The following LPIN1 variants were observed in gnomAD, a reference collection of about 807,000 sequenced individuals.
LPIN1 encodes phosphatidate phosphatase LPIN1.
A neutral mutation model predicts 107.5 loss-of-function variants in LPIN1; 71 were observed. The observed-to-expected ratio is 0.66, with a 90% CI of 0.55 to 0.80. LPIN1 has a LOEUF of 0.80. Among genes scored for constraint, LPIN1 ranks in the 30% least tolerant of loss-of-function variants. LPIN1 has a pLI of 0.00. For synonymous variants in LPIN1, 445 were observed against 452.6 expected (o/e 0.98, Z 0.21); for missense variants, 1,043 against 1,160.6 (o/e 0.90, Z 1.47).
chr2:11,725,123 T>C (rs1664487396), intron 1 of LPIN1, among the ~76,000 whole-genome samples: 3 of 152,008 alleles, frequency 2.0e-5, no homozygotes, highest in Admixed American at 2.0e-4. Flanking sequence ...TAGCCGGGCG[T>C]GTTGGCGGGC....
chr2:11,768,579 A>G (rs1365605356), intron 3 of LPIN1, among the ~76,000 whole-genome samples: 1 of 151,924 alleles, frequency 6.6e-6, no homozygotes, highest in East Asian at 1.9e-4. Context: ...ATTCCTTTTT[A>G]TGGCCGAATA....
intron 1 of LPIN1, among the ~76,000 whole-genome samples, chr2:11,686,871 G>C (rs758312810): frequency 2.6e-5 from 4 of 152,042 alleles, no homozygotes; most frequent in Non-Finnish European, 4.4e-5. Context: ...TGCCCCAGCT[G>C]CTGGGGGCAG....
intron 3 of LPIN1, among the ~76,000 whole-genome samples, chr2:11,769,931 G>A (rs766324325): frequency 1.8e-4 from 28 of 152,228 alleles, no homozygotes; most frequent in Non-Finnish European, 3.7e-4. Context: ...CCCAGGCACA[G>A]CCTCCATCCT....
In LPIN1 at chr2:11,815,236, C is replaced by A; in HGVS notation, c.2398C>A (p.His800Asn). The part of the protein sequence containing the change: ...LSPSSLFSAL[H>N]REVIEKKPEK... ...TCCCAGCAGCCTCTTCTCTGCCCTG[C>A]ACAGGTACCAGGCCTGCTCCCTGCA... Residue 800 changes from histidine (H) to asparagine (N), a missense_variant, in exon 18 of 21, where the codon CAC (histidine) becomes AAC (asparagine). By Grantham distance (68) the His-to-Asn change is moderately conservative. Coordinates refer to ENST00000674199, the MANE Select transcript of LPIN1 (RefSeq NM_001349206.2). The A allele has an allele frequency of 6.2e-7, 1 of 1,614,004 alleles. No individual in the cohort carries two copies. The highest frequency in any genetic ancestry group is 8.5e-7 in the Non-Finnish European group (1 of 1,179,992).
At chr2:11,773,549 A>AAAAATTGG in intron 4 of LPIN1, 71 bp from the exon 5 acceptor site, 1 of 1,405,050 alleles carries the variant, frequency 7.1e-7, no homozygotes. Flanking sequence ...CTAATCAAGA[A>AAAAATTGG]AAAATTGGAA....
chr2:11,715,609 C>T (rs999632626), intron 2 of LPIN1, among the ~76,000 whole-genome samples: 4 of 152,122 alleles, frequency 2.6e-5, no homozygotes, highest in Admixed American at 2.6e-4. Context: ...CACCATGGGC[C>T]TCATGGGAGA....
At chr2:11,773,313 G>A (rs1392838477) in intron 4 of LPIN1, among the ~76,000 whole-genome samples, 3 of 152,222 alleles carry the variant, frequency 2.0e-5, no homozygotes, top group Admixed American at 1.3e-4. Context: ...GAACATGACC[G>A]TGTAGGGTAG....
chr2:11,733,321 C>G (rs1254706668), intron 1 of LPIN1, among the ~76,000 whole-genome samples: 2 of 152,130 alleles, frequency 1.3e-5, no homozygotes, highest in Non-Finnish European at 2.9e-5. Flanking sequence ...TACATTGGAG[C>G]CTGGGCAGAT....
Position 11,765,594 on chromosome 2 carries a change from T to A in LPIN1, c.53T>A (p.Leu18His). Residue 18 changes from leucine to histidine, a missense_variant, in exon 2 of 21, where the codon CTC (leucine) becomes CAC (histidine). Leu to His is a moderately conservative substitution (Grantham distance 99). Transcript: ENST00000674199. The surrounding 1 kb of genome is among the most constrained non-coding windows in gnomAD (Gnocchi z 4.4). ...CAGGTGTTTGTCACCGTGAAGGAGC[T>A]CTACAAGGGGCTGAATCCCGCCACA... Reference protein sequence around the residue: ...AGQVFVTVKELYKGLNPATLS... With the variant: ...AGQVFVTVKEHYKGLNPATLS... 6.2e-7 allele frequency: 1 copy of A among 1,614,100 alleles called. No homozygotes were observed. The highest frequency in any genetic ancestry group is 8.5e-7 in the Non-Finnish European group (1 of 1,179,998).
intron 14 of LPIN1, among the ~76,000 whole-genome samples, chr2:11,802,700 G>T (rs1558267181): frequency 1.3e-5 from 2 of 152,100 alleles, no homozygotes. Flanking sequence ...AGGAGAGGCA[G>T]CCCCCACACG....
At position 11,777,846 on chromosome 2, in the gene LPIN1, G is replaced by T. The variant is rs918233654; in HGVS notation, c.830+1653G>T. ...TTTGTCTGGTGAAACAGAATGGCAAGAGCTTTTTAGATACTTTGAGGTTTG... is the reference window on the plus strand; with the variant it reads ...TTTGTCTGGTGAAACAGAATGGCAATAGCTTTTTAGATACTTTGAGGTTTG... On this transcript the variant is annotated intron_variant, in intron 6 of 20. Transcript: ENST00000674199. Among the ~76,000 whole-genome samples the T allele has an allele frequency of 6.6e-5, 10 of 152,246 alleles. No individual in the cohort carries two copies. In the East Asian group the frequency reaches 9.6e-4, roughly 15 times the overall value.
intron 14 of LPIN1, among the ~76,000 whole-genome samples, chr2:11,799,479 C>T (rs1677307222): frequency 1.3e-5 from 2 of 151,784 alleles, no homozygotes; most frequent in South Asian, 2.1e-4. Flanking sequence ...ACCCTCCCCT[C>T]CCCGTTCCCA....
intron 14 of LPIN1, among the ~76,000 whole-genome samples, chr2:11,800,015 T>C (rs922352651): frequency 6.6e-6 from 1 of 152,204 alleles, no homozygotes; most frequent in Non-Finnish European, 1.5e-5. Flanking sequence ...TGCTCTGTTT[T>C]CCTTCAACTC....
chr2:11,731,460 T>C (rs977214173), intron 1 of LPIN1, among the ~76,000 whole-genome samples: 3 of 152,244 alleles, frequency 2.0e-5, no homozygotes, highest in Non-Finnish European at 2.9e-5. Flanking sequence ...ACTTTTTCTT[T>C]ATCCAGTCTA....
At position 11,787,153 on chromosome 2, in the gene LPIN1, A is replaced by G. The variant is rs569730770; in HGVS notation, c.1629A>G (p.Val543=). The G allele has an allele frequency of 1.9e-6, 3 of 1,612,554 alleles. No homozygotes were observed. Among genetic ancestry groups the G allele is most frequent in the Non-Finnish European group, 1.7e-6 (2 of 1,178,490 alleles). ...PAIIDDPNLV[V]KIGSKYYNWT... ...TTATCGATGACCCCAATCTCGTGGT[A>G]AAGATTGGGAGTAAGTAAGTACCTC... The change falls in exon 11 of 21, where the codon GTA becomes GTG. Residue 543 remains valine (V), a synonymous_variant. Coordinates refer to ENST00000674199, the MANE Select transcript of LPIN1 (RefSeq NM_001349206.2).
At chr2:11,796,639 G>T (rs964602047) in intron 14 of LPIN1, among the ~76,000 whole-genome samples, 1 of 152,042 alleles carries the variant, frequency 6.6e-6, no homozygotes, top group Non-Finnish European at 1.5e-5. Flanking sequence ...CTGACCCACC[G>T]CTGGTCTGTG....
intron 1 of LPIN1, among the ~76,000 whole-genome samples, chr2:11,684,615 A>T (rs139962857): frequency 1.1e-4 from 17 of 152,300 alleles, no homozygotes; most frequent in African/African-American, 3.8e-4. Flanking sequence ...TGTTCATGTG[A>T]CTTGGCCCAT....
chr2:11,725,007 A>C (rs1664461631), intron 1 of LPIN1, among the ~76,000 whole-genome samples: 2 of 152,344 alleles, frequency 1.3e-5, no homozygotes, highest in South Asian at 4.1e-4. Flanking sequence ...TCACACCTGT[A>C]ACCCAGCACT....
At chr2:11,809,679 G>T (rs929038402) in intron 17 of LPIN1, among the ~76,000 whole-genome samples, 1 of 152,194 alleles carries the variant, frequency 6.6e-6, no homozygotes, top group African/African-American at 2.4e-5. Flanking sequence ...GCCTCCCAAA[G>T]TGTGGGGATT....
Sources: gnomAD v4.1 joint callset for allele counts (sites outside exome capture counted in the v4.1 genomes callset) on GRCh38, gnomAD v4.1.1 for gene constraint, Gnocchi (gnomAD v3.1) non-coding constraint, MANE v1.5 for transcripts, NCBI Gene and HGNC (gene_info 2026-07-23, HGNC 2026-07-21) for gene names.